MPP4: variants seen among roughly 807,000 people sequenced by gnomAD.
MPP4 encodes MAGUK p55 scaffold protein 4, also known as MAGUK p55 subfamily member 4.
MPP4 carries 91 observed loss-of-function variants against 98.3 expected under a neutral mutation model. That is an observed-to-expected ratio of 0.93 (90% confidence interval 0.78 to 1.10). MPP4 has a LOEUF of 1.10. Among genes scored for constraint, MPP4 ranks in the 50% least tolerant of loss-of-function variants. The pLI, the probability that MPP4 is intolerant of heterozygous loss-of-function variation, is 0.00. For missense variants in MPP4, 744 were observed against 792.9 expected (o/e 0.94, Z 0.74); for synonymous variants, 261 against 271.8 (o/e 0.96, Z 0.39).
chr2:201,675,210 G>C lies in MPP4; in HGVS notation c.991C>G (p.Leu331Val), dbSNP rs547493023. The C allele has an allele frequency of 6.2e-7, 1 of 1,607,366 alleles. No homozygotes were observed. The highest frequency in any genetic ancestry group is 1.1e-5 in the South Asian group (1 of 89,066). The change falls in exon 11 of 22, where the codon CTA becomes GTA. Residue 331 changes from leucine (L) to valine (V), a missense_variant. Physicochemically the swap from Leu to Val is conservative, Grantham distance 32. Coordinates refer to ENST00000409474, the MANE Select transcript of MPP4 (RefSeq NM_033066.3). Reference sequence around the variant, plus strand: ...GTCGGGCAGTTGCAATACTCACATAGGGTTGACTTGAGGCAGGTGTGAGGC... The same window carrying C: ...GTCGGGCAGTTGCAATACTCACATACGGTTGACTTGAGGCAGGTGTGAGGC... ...YQPHTCLKST[L>V]SISMEEEDDM...
At position 201,681,045 on chromosome 2, in the gene MPP4, G is replaced by A. The variant is rs1156747784; in HGVS notation, c.733-11C>T. ...GGCACGGACGTACACCTGATGGCAG[G>A]TGCATAATGACGCTATCAGAAGGTG... On this transcript the variant is annotated splice_polypyrimidine_tract_variant and intron_variant, in intron 9 of 21. Transcript: ENST00000409474. The A allele has an allele frequency of 6.2e-7, 1 of 1,603,676 alleles. No individual in the cohort carries two copies. The highest frequency in any genetic ancestry group is 1.7e-5 in the Admixed American group (1 of 59,860).
intron 12 of MPP4, among the ~76,000 whole-genome samples, chr2:201,668,027 C>A (rs1688231903): frequency 6.6e-6 from 1 of 152,112 alleles, no homozygotes; most frequent in African/African-American, 2.4e-5. Flanking sequence ...CCATCCATAA[C>A]AACAGTGAGT....
Position 201,682,813 on chromosome 2 carries a change from G to C in MPP4, c.660+18C>G, listed in dbSNP as rs758457295. Reference sequence around the variant, plus strand: ...CATTTCTCCAAGTCATTAACAAAAAGGCAAAAAGAAGATTTACCAGAATAT... The same window carrying C: ...CATTTCTCCAAGTCATTAACAAAAACGCAAAAAGAAGATTTACCAGAATAT... On this transcript the variant is annotated intron_variant, in intron 8 of 21. Coordinates refer to ENST00000409474, the MANE Select transcript of MPP4 (RefSeq NM_033066.3). The C allele has an allele frequency of 2.5e-6, 4 of 1,611,108 alleles. No homozygotes were observed. In the African/African-American group the frequency reaches 4.0e-5, roughly 16 times the overall value.
chr2:201,693,736 G>T, intron 2 of MPP4, 140 bp downstream of exon 2: 3 of 926,664 alleles, frequency 3.2e-6, no homozygotes, highest in Admixed American at 1.9e-5. Context: ...ATCACTGGTA[G>T]GGCAGTAGTG....
intron 18 of MPP4, among the ~76,000 whole-genome samples, chr2:201,653,875 A>T (rs2105913955): frequency 6.6e-6 from 1 of 152,332 alleles, no homozygotes; most frequent in Middle Eastern, 3.4e-3. Flanking sequence ...CTATATAGAG[A>T]AAAGTCTGGA....
intron 3 of MPP4, among the ~76,000 whole-genome samples, chr2:201,690,497 C>T (rs1473508408): frequency 6.6e-6 from 1 of 152,102 alleles, no homozygotes; most frequent in Non-Finnish European, 1.5e-5. Context: ...TATTGGCTGC[C>T]ATTGGGAAAT....
intron 4 of MPP4, among the ~76,000 whole-genome samples, chr2:201,689,653 A>C (rs1688947208): frequency 6.6e-6 from 1 of 152,188 alleles, no homozygotes; most frequent in Admixed American, 6.5e-5. Flanking sequence ...GAGGTATCAG[A>C]AAAAGAGAGT....
chr2:201,669,423 A>T (rs1688275871), intron 12 of MPP4, among the ~76,000 whole-genome samples: 1 of 152,176 alleles, frequency 6.6e-6, no homozygotes, highest in Non-Finnish European at 1.5e-5. Context: ...CACAGCTTTT[A>T]TTGAGTTCTT....
chr2:201,652,458 TAAAAC>T (rs990244699), intron 18 of MPP4, among the ~76,000 whole-genome samples: 35 of 152,248 alleles, frequency 2.3e-4, no homozygotes, highest in Admixed American at 2.0e-3. Flanking sequence ...GACTCCGTCT[TAAAAC>T]AAAACAAAAC....
chr2:201,691,069 C>T (rs930849243), intron 3 of MPP4, among the ~76,000 whole-genome samples: 8 of 152,292 alleles, frequency 5.3e-5, no homozygotes, highest in Admixed American at 3.9e-4. Context: ...TCCCAGGGCC[C>T]GCATTCAGGT....
intron 18 of MPP4, among the ~76,000 whole-genome samples, chr2:201,654,241 G>C (rs1166904455): frequency 2.0e-5 from 3 of 152,116 alleles, no homozygotes; most frequent in African/African-American, 7.2e-5. Context: ...CTCCCAAAAT[G>C]CTGGGATTAC....
chr2:201,697,643 A>C (rs536361684), intron 1 of MPP4, among the ~76,000 whole-genome samples: 39 of 152,204 alleles, frequency 2.6e-4, no homozygotes, highest in Admixed American at 7.8e-4. Flanking sequence ...CTGGGACTTC[A>C]ATCCTAATGG....
intron 5 of MPP4, among the ~76,000 whole-genome samples, chr2:201,686,303 T>C (rs1210336254): frequency 1.3e-5 from 2 of 152,218 alleles, no homozygotes; most frequent in African/African-American, 4.8e-5. Context: ...CACAATACAC[T>C]CTTTCATTTC....
intron 3 of MPP4, among the ~76,000 whole-genome samples, chr2:201,691,804 C>G (rs1689036744): frequency 6.6e-6 from 1 of 152,236 alleles, no homozygotes; most frequent in South Asian, 2.1e-4. Flanking sequence ...CAGGCATGAA[C>G]CATCACACTG....
At chr2:201,690,999 G>A (rs2105948358) in intron 3 of MPP4, among the ~76,000 whole-genome samples, 1 of 152,308 alleles carries the variant, frequency 6.6e-6, no homozygotes, top group Non-Finnish European at 1.5e-5. Flanking sequence ...GGCCCAAGGG[G>A]CCGGCTGAGC....
intron 3 of MPP4, 139 bp from the exon 4 acceptor site, chr2:201,690,418 A>AGTT (rs1241361569): frequency 1.9e-5 from 10 of 519,404 alleles, no homozygotes; most frequent in African/African-American, 1.7e-4. Context: ...GTGTTTAGTA[A>AGTT]GTTGTGTCTC....
chr2:201,693,608 T>C (rs1158661912), intron 2 of MPP4, among the ~76,000 whole-genome samples: 1 of 152,218 alleles, frequency 6.6e-6, no homozygotes, highest in East Asian at 1.9e-4. Flanking sequence ...ATTCTGAATG[T>C]GAACAACTTA....
intron 4 of MPP4, among the ~76,000 whole-genome samples, chr2:201,687,682 C>A (rs1688879643): frequency 1.3e-5 from 2 of 152,180 alleles, no homozygotes; most frequent in Admixed American, 1.3e-4. Context: ...AGGCACTTTT[C>A]CTCTAGTGCC....
At chr2:201,649,974 A>G (rs575318969) in intron 19 of MPP4, 98 bp downstream of exon 19, 1 of 1,226,536 alleles carries the variant, frequency 8.2e-7, no homozygotes, top group Admixed American at 2.7e-5. Context: ...AAACAAAAGG[A>G]ATTACCCAGG....
Sources: allele counts gnomAD v4.1 joint callset (sites outside exome capture counted in the v4.1 genomes callset), GRCh38; gene constraint gnomAD v4.1.1; transcripts MANE v1.5; gene names NCBI Gene and HGNC (gene_info 2026-07-23, HGNC 2026-07-21).